ARHGAP24: variants seen among roughly 807,000 people sequenced by gnomAD.
ARHGAP24 encodes Rho GTPase activating protein 24, also known as rho GTPase-activating protein 24.
A neutral mutation model predicts 76.4 loss-of-function variants in ARHGAP24; 50 were observed. The ratio of observed to expected loss-of-function variants is 0.65; its 90% CI spans 0.52 to 0.83. The LOEUF is 0.83. Ranked by LOEUF, ARHGAP24 falls within the 40% of genes least tolerant of loss-of-function variation. The pLI is 0.00. For missense variants in ARHGAP24, 930 were observed against 914.2 expected (o/e 1.02, Z -0.22); for synonymous variants, 345 against 323.3 (o/e 1.07, Z -0.72).
At chr4:85,681,272 TC>T (rs1723195053) in intron 2 of ARHGAP24, among the ~76,000 whole-genome samples, 1 of 152,148 alleles carries the variant, frequency 6.6e-6, no homozygotes, top group Admixed American at 6.6e-5. Flanking sequence ...AACTTGACAA[TC>T]CTATGACTCA....
intron 2 of ARHGAP24, among the ~76,000 whole-genome samples, chr4:85,571,612 T>C (rs1727142819): frequency 6.6e-6 from 1 of 152,200 alleles, no homozygotes; most frequent in Admixed American, 6.5e-5. Context: ...TATTTTAAGT[T>C]CCTAAGGCAT....
chr4:85,669,939 T>A (rs77148746), intron 2 of ARHGAP24, among the ~76,000 whole-genome samples: 4,429 of 151,998 alleles, frequency 0.029, 199 homozygotes, highest in African/African-American at 0.1. Context: ...CAACACCTCT[T>A]CTGGGGCTTT....
intron 7 of ARHGAP24, 64 bp from the exon 8 acceptor site, chr4:85,977,506 C>T (rs1328563028): frequency 1.4e-5 from 22 of 1,564,512 alleles, no homozygotes; most frequent in Non-Finnish European, 1.7e-5. Flanking sequence ...TTCTAATGAT[C>T]GATTTTTCTT....
intron 3 of ARHGAP24, among the ~76,000 whole-genome samples, chr4:85,760,850 T>C (rs1192592190): frequency 6.6e-6 from 1 of 152,200 alleles, no homozygotes; most frequent in Admixed American, 6.5e-5. Context: ...ACAGCCCAAC[T>C]GTGTCTCATG....
At chr4:85,805,637 G>T (rs1283609681) in intron 3 of ARHGAP24, among the ~76,000 whole-genome samples, 1 of 152,162 alleles carries the variant, frequency 6.6e-6, no homozygotes, top group African/African-American at 2.4e-5. Flanking sequence ...TACTAGCAAA[G>T]GCTTTATGGC....
In ARHGAP24 at chr4:85,851,486, T is replaced by C. The variant is rs564839060; in HGVS notation, c.269-72162T>C. Reference sequence around the variant, plus strand: ...ATTGTTATGTGTGAATTTGATCCTGTCATTATGATGTTAGCTGGTTGTTTT... The same window carrying C: ...ATTGTTATGTGTGAATTTGATCCTGCCATTATGATGTTAGCTGGTTGTTTT... On this transcript the variant is annotated intron_variant, in intron 3 of 9. Coordinates refer to ENST00000395184, the MANE Select transcript of ARHGAP24 (RefSeq NM_001025616.3). Among the ~76,000 whole-genome samples the C allele has an allele frequency of 2.0e-5, 3 of 152,330 alleles. No individual in the cohort carries two copies. In the South Asian group the frequency reaches 6.2e-4, roughly 32 times the overall value.
At chr4:85,946,124 T>C (rs1375798132) in intron 5 of ARHGAP24, among the ~76,000 whole-genome samples, 1 of 152,178 alleles carries the variant, frequency 6.6e-6, no homozygotes, top group African/African-American at 2.4e-5. Flanking sequence ...ACTCATTCAC[T>C]ATCATGAGAA....
chr4:85,577,200 ATATATT>A (rs1727413419), intron 2 of ARHGAP24, among the ~76,000 whole-genome samples: 1 of 148,884 alleles, frequency 6.7e-6, no homozygotes, highest in South Asian at 2.1e-4. Context: ...TAGGAAATAT[ATATATT>A]TATATTTATA....
In ARHGAP24 at chr4:85,755,630, TGTTTTGTTTTG is replaced by T. The variant is rs1307616588; in HGVS notation, c.268+33659_268+33669del. 1.7e-3 allele frequency among the ~76,000 whole-genome samples: 121 copies of T among 73,150 alleles called. 37 individuals are homozygous for T. The highest frequency in any genetic ancestry group is 7.7e-3 in the Middle Eastern group (1 of 130). 48.0% of individuals were successfully genotyped at this position (73,150 alleles called of 152,430 possible). A position where few individuals can be genotyped will look rare whatever the true frequency, so the allele number is the denominator to read the frequency against. ...ATGGGAAGCTTCTATTCTTTTGTTT[TGTTTTGTTTTG>T]TTTTGTTTTGAGACGGAGTCTCGTT... On this transcript the variant is annotated intron_variant, in intron 3 of 9. Coordinates refer to ENST00000395184, the MANE Select transcript of ARHGAP24 (RefSeq NM_001025616.3).
chr4:85,851,793 T>C (rs1325101328), intron 3 of ARHGAP24, among the ~76,000 whole-genome samples: 1 of 152,242 alleles, frequency 6.6e-6, no homozygotes, highest in Non-Finnish European at 1.5e-5. Context: ...CTCATCTGGC[T>C]TGTAGGGTTT....
intron 1 of ARHGAP24, among the ~76,000 whole-genome samples, chr4:85,496,746 C>T (rs141519451): frequency 1.3e-5 from 2 of 152,204 alleles, no homozygotes; most frequent in Admixed American, 6.5e-5. Context: ...CATTTTCACA[C>T]GAGTTTTGTA....
intron 2 of ARHGAP24, among the ~76,000 whole-genome samples, chr4:85,599,842 T>A (rs930504639): frequency 6.6e-6 from 1 of 152,146 alleles, no homozygotes. Flanking sequence ...AACTATTTTT[T>A]AAAACAAAAT....
intron 2 of ARHGAP24, among the ~76,000 whole-genome samples, chr4:85,581,862 T>C (rs1727630332): frequency 2.0e-5 from 3 of 152,088 alleles, no homozygotes; most frequent in Admixed American, 2.0e-4. Flanking sequence ...AAGCCAAAGG[T>C]ACTTTTGGGT....
intron 2 of ARHGAP24, among the ~76,000 whole-genome samples, chr4:85,625,647 ATCTG>A (rs1720918886): frequency 6.6e-6 from 1 of 152,102 alleles, no homozygotes; most frequent in African/African-American, 2.4e-5. Context: ...TTTCTTGTTG[ATCTG>A]TCTAATGTTG....
At chr4:85,524,709 C>T (rs1478828908) in intron 1 of ARHGAP24, among the ~76,000 whole-genome samples, 4 of 152,336 alleles carry the variant, frequency 2.6e-5, no homozygotes, top group East Asian at 1.9e-4. Context: ...GCAGCCCATG[C>T]TGGAAGCAGG....
chr4:85,788,145 C>G (rs868763776), intron 3 of ARHGAP24, among the ~76,000 whole-genome samples: 10 of 152,154 alleles, frequency 6.6e-5, no homozygotes, highest in African/African-American at 2.4e-4. Context: ...ATCAGAGATG[C>G]CTATGTGCGC....
chr4:85,968,242 G>A (rs1738748890), intron 5 of ARHGAP24, among the ~76,000 whole-genome samples: 1 of 151,980 alleles, frequency 6.6e-6, no homozygotes, highest in Admixed American at 6.6e-5. Flanking sequence ...TACCCTAAAT[G>A]GGGTTAATAG....
At chr4:85,480,151 T>C (rs1722753229) in intron 1 of ARHGAP24, among the ~76,000 whole-genome samples, 1 of 152,186 alleles carries the variant, frequency 6.6e-6, no homozygotes, top group Non-Finnish European at 1.5e-5. Flanking sequence ...ACCCCCCCTT[T>C]TTAACTACTG....
intron 5 of ARHGAP24, among the ~76,000 whole-genome samples, chr4:85,952,270 C>T (rs771638355): frequency 2.0e-5 from 3 of 152,174 alleles, no homozygotes; most frequent in Non-Finnish European, 4.4e-5. Context: ...GTAGTTTTCA[C>T]TGTGTGTGAT....
Sources: gnomAD v4.1 joint callset for allele counts (sites outside exome capture counted in the v4.1 genomes callset) on GRCh38, gnomAD v4.1.1 for gene constraint, MANE v1.5 for transcripts, NCBI Gene and HGNC (gene_info 2026-07-23, HGNC 2026-07-21) for gene names.